SNTG1: variants seen among roughly 807,000 people sequenced by gnomAD.
SNTG1 encodes the protein gamma-1-syntrophin.
In SNTG1, 39 loss-of-function variants were observed where a neutral mutation model predicts 74.7. The observed-to-expected ratio is 0.52, with a 90% CI of 0.40 to 0.68. SNTG1 has a LOEUF of 0.68. SNTG1 is among the 30% of genes least tolerant of loss of function. SNTG1 has a pLI of 0.00. For synonymous variants in SNTG1, 254 were observed against 217.1 expected (o/e 1.17, Z -1.49); for missense variants, 685 against 609.5 (o/e 1.12, Z -1.30).
intron 2 of SNTG1, among the ~76,000 whole-genome samples, chr8:50,361,466 G>T (rs999280827): frequency 2.0e-5 from 3 of 152,072 alleles, no homozygotes; most frequent in Non-Finnish European, 4.4e-5. Context: ...CTGTATTAAT[G>T]AAAACCTTTA....
chr8:50,503,220 A>G (rs1006804180), intron 9 of SNTG1, among the ~76,000 whole-genome samples: 5 of 152,202 alleles, frequency 3.3e-5, no homozygotes, highest in African/African-American at 9.6e-5. Flanking sequence ...AAAAATTAAT[A>G]CTAAACAAGA....
intron 1 of SNTG1, among the ~76,000 whole-genome samples, chr8:50,024,163 A>G (rs1817062017): frequency 1.3e-5 from 2 of 152,114 alleles, no homozygotes; most frequent in Admixed American, 6.6e-5. Flanking sequence ...CTTTTTGCCA[A>G]TGTCTACTCT....
chr8:49,924,769 G>A (rs2129347703), intron 1 of SNTG1, among the ~76,000 whole-genome samples: 1 of 151,814 alleles, frequency 6.6e-6, no homozygotes, highest in Non-Finnish European at 1.5e-5. Context: ...GAGCAATCTA[G>A]GATGCTGAGA....
intron 1 of SNTG1, among the ~76,000 whole-genome samples, chr8:49,934,388 AT>A (rs1455110507): frequency 3.9e-5 from 6 of 152,088 alleles, no homozygotes; most frequent in Non-Finnish European, 5.9e-5. Context: ...TTGTAATATT[AT>A]CATGTAGACT....
upstream of SNTG1, among the ~76,000 whole-genome samples, chr8:49,910,372 T>C (rs1023457854): frequency 1.4e-5 from 2 of 147,452 alleles, no homozygotes; most frequent in East Asian, 4.1e-4. Context: ...AATAACCTCC[T>C]TGTGCAGAAA....
chr8:50,242,793 T>C (rs2086224721), intron 2 of SNTG1, among the ~76,000 whole-genome samples: 1 of 150,482 alleles, frequency 6.6e-6, no homozygotes, highest in African/African-American at 2.4e-5. Flanking sequence ...TATATTACCA[T>C]ATTATCTATT....
At chr8:50,638,383 A>G (rs1395905741) in intron 13 of SNTG1, among the ~76,000 whole-genome samples, 2 of 152,150 alleles carry the variant, frequency 1.3e-5, no homozygotes, top group Non-Finnish European at 2.9e-5. Flanking sequence ...AGGTGCCACT[A>G]TAATGTACTA....
At chr8:49,911,306 C>T (rs2129332179), upstream of SNTG1, 1 of 152,082 alleles carries the variant, frequency 6.6e-6, no homozygotes, top group South Asian at 2.1e-4. Context: ...TCTGGATTTT[C>T]CACGGTACAA....
rs138891499 is a variant in SNTG1, at chr8:50,506,909, C to T, written c.466+4029C>T. Among the ~76,000 whole-genome samples, 519 of 152,144 alleles carry T rather than the reference C, an allele frequency of 3.4e-3. 3 individuals are homozygous for T. Among genetic ancestry groups the T allele is most frequent in the Admixed American group, 5.5e-3 (84 of 15,268 alleles). ...TTCTTAATCTTAGAGGGAAAGCTTT[C>T]AGTTTTCCATTATTCAGTATAATGT... On this transcript the variant is annotated intron_variant, in intron 9 of 18. Transcript: ENST00000642720.
At chr8:50,380,098 G>T (rs540716462) in intron 2 of SNTG1, among the ~76,000 whole-genome samples, 2 of 152,346 alleles carry the variant, frequency 1.3e-5, no homozygotes, top group East Asian at 1.9e-4. Context: ...GAAGCAAACT[G>T]CTCTCTGAGT....
intron 1 of SNTG1, among the ~76,000 whole-genome samples, chr8:50,139,855 AT>A (rs2081598559): frequency 1.3e-5 from 2 of 152,228 alleles, no homozygotes; most frequent in East Asian, 1.9e-4. Flanking sequence ...AGATGAGAAC[AT>A]TTGCAGAAAG....
rs576297159 is a variant in SNTG1 at position 50,399,419 on chromosome 8, C to A, written c.28-2791C>A. 7.9e-5 allele frequency among the ~76,000 whole-genome samples: 12 copies of A among 152,238 alleles called. No homozygotes were observed. The South Asian group carries it at 2.1e-3, about 26-fold the overall frequency. ...GCCATATAGAAATTAAATGAGAACA[C>A]CCTGATAGCTTTGTTTTAGCTCCTC... On this transcript the variant is annotated intron_variant, in intron 3 of 18. Transcript: ENST00000642720.
In SNTG1 at chr8:50,747,077, C is replaced by T. The variant is rs139319594; in HGVS notation, c.1285-4924C>T. Among the ~76,000 whole-genome samples the T allele has an allele frequency of 2.2e-4, 34 of 151,440 alleles. No individual in the cohort carries two copies. The East Asian group carries it at 5.5e-3, about 24-fold the overall frequency. ...AGGTATAGTCAAAAAACCTTATAGACTTCTGGAAGGAATTCTGATCTAGTA... is the reference window on the plus strand; with the variant it reads ...AGGTATAGTCAAAAAACCTTATAGATTTCTGGAAGGAATTCTGATCTAGTA... On this transcript the variant is annotated intron_variant, in intron 17 of 18. Transcript: ENST00000642720.
rs1239479935 is a variant in SNTG1 at position 50,794,182 on chromosome 8, C to T, written c.*1353C>T. The T allele has an allele frequency of 3.3e-5, 5 of 150,340 alleles. No homozygotes were observed. The highest frequency in any genetic ancestry group is 1.2e-4 in the African/African-American group (5 of 40,996). The allele number at this position is 150,340 out of a possible 1,614,324, so 9.3% of individuals were successfully genotyped here. On this transcript the variant is annotated 3_prime_UTR_variant, in exon 19 of 19. Transcript: ENST00000642720. ...CAGGTAAACCAAGTATTATGTGTGT[C>T]CTTGTGGAGATAACCAAGTATCTAA... is the stretch of plus-strand genomic sequence containing the variant.
chr8:50,070,674 A>T (rs1038427686), intron 1 of SNTG1, among the ~76,000 whole-genome samples: 1 of 152,248 alleles, frequency 6.6e-6, no homozygotes, highest in African/African-American at 2.4e-5. Flanking sequence ...CTGCAAAGCA[A>T]AATTGAGTTT....
At chr8:50,210,041 A>G (rs1056820515) in intron 2 of SNTG1, among the ~76,000 whole-genome samples, 1 of 152,220 alleles carries the variant, frequency 6.6e-6, no homozygotes, top group Non-Finnish European at 1.5e-5. Context: ...AAATGAACTC[A>G]TGGAGCTGAA....
At chr8:50,095,851 C>A (rs1350989328) in intron 1 of SNTG1, among the ~76,000 whole-genome samples, 1 of 151,434 alleles carries the variant, frequency 6.6e-6, no homozygotes, top group South Asian at 2.1e-4. Flanking sequence ...TTTTCAAATT[C>A]TCCAAAGTGA....
At position 50,244,249 on chromosome 8, in the gene SNTG1, G is replaced by A. The variant is rs537433276; in HGVS notation, c.-28+71614G>A. On this transcript the variant is annotated intron_variant, in intron 2 of 18. Transcript: ENST00000642720. ...ACCAAGCCATGAGAAATCCACTCCC[G>A]TGACCCAAATACCTCCCACCAGGTC... is the stretch of plus-strand genomic sequence containing the variant. Among the ~76,000 whole-genome samples, 186 of 152,194 alleles carry A rather than the reference G, an allele frequency of 1.2e-3. 2 individuals are homozygous for A. Among genetic ancestry groups the A allele is most frequent in the Admixed American group, 0.012 (176 of 15,278 alleles).
intron 15 of SNTG1, among the ~76,000 whole-genome samples, chr8:50,663,577 T>C (rs2095235998): frequency 6.6e-6 from 1 of 152,122 alleles, no homozygotes; most frequent in Non-Finnish European, 1.5e-5. Flanking sequence ...TTTGCTCTGA[T>C]TCTAGCCTGA....
Sources: gnomAD v4.1 joint callset for allele counts (sites outside exome capture counted in the v4.1 genomes callset) on GRCh38, gnomAD v4.1.1 for gene constraint, MANE v1.5 for transcripts, NCBI Gene and HGNC (gene_info 2026-07-23, HGNC 2026-07-21) for gene names.